Variants in CHN2 observed in about 807,000 individuals in gnomAD.
CHN2 encodes the protein chimerin 2.
CHN2 carries 35 observed loss-of-function variants against 56.3 expected under a neutral mutation model. That is an observed-to-expected ratio of 0.62 (90% CI 0.47 to 0.82). The LOEUF (loss-of-function observed/expected upper bound fraction) is 0.82. Ranked by LOEUF, CHN2 falls within the 40% of genes least tolerant of loss-of-function variation. CHN2 has a pLI of 0.00. For missense variants in CHN2, 491 were observed against 580.5 expected (o/e 0.85, Z 1.58); for synonymous variants, 210 against 212.8 (o/e 0.99, Z 0.12).
chr7:29,183,081 CTTT>C (rs34942216), intron 2 of CHN2, among the ~76,000 whole-genome samples: 52,780 of 131,714 alleles, frequency 0.4, 9,125 homozygotes, highest in East Asian at 0.72. Flanking sequence ...ACATGGCAGA[CTTT>C]TTTTTTTTTT....
rs779258586 is a variant in CHN2, at chr7:29,445,283, C to T, written c.577-34996C>T. The T allele has an allele frequency of 1.5e-5, 6 of 390,244 alleles. No individual in the cohort carries two copies. In the Admixed American group the frequency reaches 1.8e-4, roughly 12 times the overall value. 24.2% of individuals were successfully genotyped at this position (390,244 alleles called of 1,614,324 possible). A position where few individuals can be genotyped will look rare whatever the true frequency, so the allele number is the denominator to read the frequency against. On this transcript the variant is annotated intron_variant, in intron 6 of 12. Coordinates refer to ENST00000222792, the MANE Select transcript of CHN2 (RefSeq NM_004067.4). ...GACTTAAGGGAACAAATACCCCAAA[C>T]AGGCCTATCTCATCCCAAACTCATG...
intron 1 of CHN2, among the ~76,000 whole-genome samples, chr7:29,223,057 G>A (rs1231635131): frequency 6.6e-6 from 1 of 152,068 alleles, no homozygotes; most frequent in African/African-American, 2.4e-5. Flanking sequence ...ACTTGAAAAA[G>A]CTTTCAGAGA....
At chr7:29,405,932 G>T (rs1317835650) in intron 6 of CHN2, among the ~76,000 whole-genome samples, 1 of 152,108 alleles carries the variant, frequency 6.6e-6, no homozygotes. Context: ...AACAGAGGCC[G>T]TGGCCAGGCC....
intron 2 of CHN2, chr7:29,147,186 G>C (rs185345555): frequency 1.7e-6 from 1 of 588,242 alleles, no homozygotes; most frequent in African/African-American, 1.9e-5. Context: ...AGACAGTACG[G>C]GAGCAAGAAC....
chr7:29,368,523 A>G (rs1799359750), intron 3 of CHN2, among the ~76,000 whole-genome samples: 1 of 152,210 alleles, frequency 6.6e-6, no homozygotes, highest in African/African-American at 2.4e-5. Context: ...TTTGAAAGGC[A>G]GGACTAAGGC....
chr7:29,488,299 A>G (rs1184340624), intron 7 of CHN2, among the ~76,000 whole-genome samples: 1 of 152,186 alleles, frequency 6.6e-6, no homozygotes, highest in Non-Finnish European at 1.5e-5. Flanking sequence ...AATTTTTCAT[A>G]TGAGATGAAT....
At chr7:29,350,847 C>T (rs7808815) in intron 1 of CHN2, among the ~76,000 whole-genome samples, 29,664 of 152,036 alleles carry the variant, frequency 0.2, 3,028 homozygotes, top group East Asian at 0.24. Flanking sequence ...AGGTGGCTCA[C>T]GCCTGTAATC....
chr7:29,507,147 ATTTT>A (rs11388362), intron 10 of CHN2, 77 bp from the exon 11 acceptor site: 2 of 1,004,208 alleles, frequency 2.0e-6, no homozygotes, highest in South Asian at 2.0e-5. Flanking sequence ...TCATCGCTGG[ATTTT>A]TTTTTTTTTT....
intron 1 of CHN2, among the ~76,000 whole-genome samples, chr7:29,312,792 T>C (rs1474185724): frequency 6.6e-6 from 1 of 152,188 alleles, no homozygotes; most frequent in East Asian, 1.9e-4. Context: ...ATGGCATTAT[T>C]TTTAAAACAA....
intron 11 of CHN2, among the ~76,000 whole-genome samples, chr7:29,507,746 ATTG>A (rs398066730): frequency 5.0e-5 from 5 of 99,834 alleles, no homozygotes; most frequent in Admixed American, 2.0e-4. Flanking sequence ...AAGAAGAATG[ATTG>A]TCTTGGGCCA....
intron 1 of CHN2, among the ~76,000 whole-genome samples, chr7:29,325,915 T>G (rs1160047110): frequency 6.6e-6 from 1 of 152,226 alleles, no homozygotes; most frequent in East Asian, 1.9e-4. Context: ...CATATTTTCA[T>G]GATCTGCTTC....
intron 4 of CHN2, among the ~76,000 whole-genome samples, chr7:29,393,978 G>A (rs183728317): frequency 1.1e-4 from 16 of 152,250 alleles, no homozygotes; most frequent in Middle Eastern, 6.8e-3. Flanking sequence ...TACTTGAAAC[G>A]GAAGGCAGCA....
intron 1 of CHN2, among the ~76,000 whole-genome samples, chr7:29,345,949 G>T (rs934414069): frequency 1.3e-5 from 2 of 152,080 alleles, no homozygotes; most frequent in Non-Finnish European, 2.9e-5. Context: ...CTGCAAGTGG[G>T]ACTCAAGCAG....
chr7:29,228,131 C>A (rs1584796546), intron 1 of CHN2, among the ~76,000 whole-genome samples: 1 of 150,436 alleles, frequency 6.6e-6, no homozygotes, highest in East Asian at 2.0e-4. Context: ...TAAAAAAAAA[C>A]CTGTACACAC....
chr7:29,311,398 CT>C (rs1794595743), intron 1 of CHN2, among the ~76,000 whole-genome samples: 1 of 152,212 alleles, frequency 6.6e-6, no homozygotes, highest in Admixed American at 6.5e-5. Flanking sequence ...CTCACAGAAC[CT>C]TTTAATCTCT....
chr7:29,302,516 T>TTTTTTTTTTC, intron 1 of CHN2, among the ~76,000 whole-genome samples: 1 of 149,614 alleles, frequency 6.7e-6, no homozygotes, highest in Non-Finnish European at 1.5e-5. Context: ...TTTTTTTTTT[T>TTTTTTTTTTC]TTTTTTAAGA....
intron 6 of CHN2, among the ~76,000 whole-genome samples, chr7:29,474,815 G>T (rs1335593992): frequency 1.3e-5 from 2 of 152,194 alleles, no homozygotes; most frequent in Non-Finnish European, 2.9e-5. Context: ...TTGTGGATTG[G>T]TGGCAAATCA....
intron 2 of CHN2, among the ~76,000 whole-genome samples, chr7:29,169,396 A>G (rs1180920870): frequency 1.3e-5 from 2 of 152,124 alleles, no homozygotes; most frequent in Non-Finnish European, 2.9e-5. Flanking sequence ...CCCTCTAAAC[A>G]CACCATTTTA....
intron 2 of CHN2, among the ~76,000 whole-genome samples, chr7:29,151,146 C>T (rs542480791): frequency 4.6e-5 from 7 of 152,236 alleles, no homozygotes; most frequent in Non-Finnish European, 8.8e-5. Context: ...GGAAGGGGCA[C>T]CTCCTAAGAC....
Sources: gnomAD v4.1 joint callset for allele counts (sites outside exome capture counted in the v4.1 genomes callset) on GRCh38, gnomAD v4.1.1 for gene constraint, MANE v1.5 for transcripts, NCBI Gene and HGNC (gene_info 2026-07-23, HGNC 2026-07-21) for gene names.